The following CES1 variants were observed in gnomAD, a reference collection of about 807,000 sequenced individuals.
CES1 encodes liver carboxylesterase 1.
Under a neutral mutation model 53.0 loss-of-function variants are expected in CES1, and 50 were observed. The observed-to-expected ratio is 0.94, with a 90% confidence interval of 0.75 to 1.19. The LOEUF (loss-of-function observed/expected upper bound fraction) is 1.19. CES1 is among the 50% of genes most tolerant of loss of function. The probability of loss-of-function intolerance (pLI) is 0.00; values close to 1 mark genes in which losing one functional copy is unlikely to be tolerated. For synonymous variants in CES1, 202 were observed against 210.1 expected (o/e 0.96, Z 0.33); for missense variants, 534 against 538.0 (o/e 0.99, Z 0.07).
rs181887407 is a variant in CES1, at chr16:55,810,050, G to A, written c.1318+467C>T. On this transcript the variant is annotated intron_variant, in intron 11 of 13. Coordinates refer to ENST00000360526, the MANE Select transcript of CES1 (RefSeq NM_001025195.2). ...ACTCTGCCCTTGTGTGCAGCAGGTC[G>A]AAGTCACAGGGAATAAACAATTCCT... 2.2e-4 allele frequency among the ~76,000 whole-genome samples: 34 copies of A among 152,282 alleles called. No homozygotes were observed. In the East Asian group the frequency reaches 6.2e-3, roughly 28 times the overall value.
chr16:55,829,654 G>C (rs543768085), intron 1 of CES1, among the ~76,000 whole-genome samples: 1 of 152,364 alleles, frequency 6.6e-6, no homozygotes, highest in African/African-American at 2.4e-5. Flanking sequence ...TGGAGTCTGG[G>C]GGGAGTGGAA....
At chr16:55,825,406 C>G (rs2032378599) in intron 3 of CES1, among the ~76,000 whole-genome samples, 1 of 152,232 alleles carries the variant, frequency 6.6e-6, no homozygotes, top group African/African-American at 2.4e-5. Flanking sequence ...CACCCTCCAA[C>G]CTGCAGCTGG....
chr16:55,815,664 ACTC>A (rs1248877246), intron 8 of CES1, among the ~76,000 whole-genome samples: 1 of 151,178 alleles, frequency 6.6e-6, no homozygotes, highest in East Asian at 1.9e-4. Flanking sequence ...GACTCCAACT[ACTC>A]CTCCCATCCC....
chr16:55,816,923 C>A lies in CES1; in HGVS notation c.945+1G>T. The A allele has an allele frequency of 6.2e-7, 1 of 1,614,046 alleles. No homozygotes were observed. The highest frequency in any genetic ancestry group is 8.5e-7 in the Non-Finnish European group (1 of 1,179,920). On this transcript the variant is annotated splice_donor_variant, in intron 8 of 13. Transcript: ENST00000360526. LOFTEE classifies it high-confidence loss of function. ...GTAATCCAGAAACAAAAGGTCCTTA[C>A]CTCTCTGGGGTCTCCCTGTAAGTCC...
chr16:55,808,814 A>G (rs1267055894), intron 11 of CES1, among the ~76,000 whole-genome samples: 1 of 152,150 alleles, frequency 6.6e-6, no homozygotes, highest in Non-Finnish European at 1.5e-5. Context: ...AACATTGAGA[A>G]AATCCTCACA....
chr16:55,826,070 C>T (rs1344805475), intron 3 of CES1, 81 bp downstream of exon 3: 18 of 1,577,524 alleles, frequency 1.1e-5, no homozygotes, highest in Non-Finnish European at 1.6e-5. Context: ...CCCCAAGCTG[C>T]CTTCACTCCC....
chr16:55,826,089 T>A (rs1352507079), intron 3 of CES1, 62 bp downstream of exon 3: 6 of 1,608,534 alleles, frequency 3.7e-6, no homozygotes, highest in African/African-American at 1.3e-5. Context: ...CCTTCCATTC[T>A]GCCCCAGAAG....
intron 11 of CES1, 125 bp downstream of exon 11, chr16:55,810,392 T>C (rs1234064576): frequency 6.3e-6 from 8 of 1,264,356 alleles, no homozygotes; most frequent in South Asian, 1.2e-5. Context: ...TCCCATGCCA[T>C]ATGGAATCAG....
At chr16:55,812,317 G>C (rs1441392352) in intron 9 of CES1, 1 of 166,406 alleles carries the variant, frequency 6.0e-6, no homozygotes, top group Non-Finnish European at 1.3e-5. Flanking sequence ...GGAGTTTGCT[G>C]TATAGATTAT....
chr16:55,828,691 C>T (rs1311011293), intron 2 of CES1, 76 bp downstream of exon 2: 31 of 1,521,718 alleles, frequency 2.0e-5, no homozygotes, highest in Non-Finnish European at 2.6e-5. Context: ...AAGGATCAGC[C>T]CGTCAGGGGA....
At position 55,813,034 on chromosome 16, in the gene CES1, G is replaced by C. The variant is rs748333060; in HGVS notation, c.955C>G (p.Leu319Val). 6.2e-7 allele frequency: 1 copy of C among 1,613,116 alleles called. No individual in the cohort carries two copies. Among genetic ancestry groups the C allele is most frequent in the African/African-American group, 1.3e-5 (1 of 74,998 alleles). The change falls in exon 9 of 14, where the codon CTT becomes GTT. Residue 319 changes from leucine (L) to valine (V), a missense_variant. This residue lies in a region of CES1 where 269 missense variants were observed against 206.6 expected (regional missense o/e 1.30). Transcript: ENST00000360526. ...ATCCCATCAATCACAGTGCCCAGAA[G>C]GGGTTGACTCTGGGGAGAGAGCAGT... Reference protein sequence around the residue: ...LQGDPRESQPLLGTVIDGMLL... With the variant: ...LQGDPRESQPVLGTVIDGMLL...
chr16:55,825,976 G>C (rs1470385914), intron 3 of CES1, among the ~76,000 whole-genome samples, 175 bp downstream of exon 3: 1 of 152,198 alleles, frequency 6.6e-6, no homozygotes, highest in Non-Finnish European at 1.5e-5. Context: ...CCTATGTCAC[G>C]AGGGTAAACT....
At chr16:55,811,433 T>G (rs1278628733) in intron 9 of CES1, among the ~76,000 whole-genome samples, 1 of 152,044 alleles carries the variant, frequency 6.6e-6, no homozygotes, top group East Asian at 1.9e-4. Flanking sequence ...GACACTGAAA[T>G]CCTTAAATCC....
Position 55,828,970 on chromosome 16 carries a change from C to T in CES1, c.57G>A (p.Gly19=), listed in dbSNP as rs1419552200. ...ATLSASAAWA[G]HPSSPPVVDT... is the part of the protein sequence containing the mutation. ...CCACCACAGGTGGCGAGGACGGATG[C>T]CCTGCTGGACATGGAGAATAAATCA... is the stretch of plus-strand genomic sequence containing the variant. Residue 19 remains glycine (G), a synonymous_variant, in exon 2 of 14, where the codon GGG becomes GGA. Transcript: ENST00000360526. 1.2e-6 allele frequency: 2 copies of T among 1,606,068 alleles called. No individual in the cohort carries two copies. The highest frequency in any genetic ancestry group is 1.1e-5 in the South Asian group (1 of 89,572).
chr16:55,829,129 A>G (rs577769604), intron 1 of CES1, among the ~76,000 whole-genome samples, 155 bp from the exon 2 acceptor site: 1 of 152,190 alleles, frequency 6.6e-6, no homozygotes, highest in Admixed American at 6.5e-5. Flanking sequence ...GATGACGATC[A>G]ATGTCCTCCC....
chr16:55,828,908 C>A lies in CES1; in HGVS notation c.119G>T (p.Ser40Ile), dbSNP rs140555786. The A allele has an allele frequency of 1.7e-5, 27 of 1,614,038 alleles. No homozygotes were observed. In the Middle Eastern group the frequency reaches 9.9e-4, roughly 59 times the overall value. Residue 40 changes from serine (S) to isoleucine (I), a missense_variant, in exon 2 of 14, where the codon AGC becomes ATC. Physicochemically the swap from Ser to Ile is moderately radical, Grantham distance 142. Coordinates refer to ENST00000360526, the MANE Select transcript of CES1 (RefSeq NM_001025195.2). ...CACAGGCTGTGCAAATCCTTCTAAG[C>A]TGACGAACTTCCCCAGCACTTTGCC... ...VHGKVLGKFVSLEGFAQPVAI... is the reference protein window; with the variant it reads ...VHGKVLGKFVILEGFAQPVAI...
At chr16:55,818,434 C>T (rs1476505291) in intron 7 of CES1, among the ~76,000 whole-genome samples, 1 of 152,196 alleles carries the variant, frequency 6.6e-6, no homozygotes, top group Non-Finnish European at 1.5e-5. Context: ...ATTTATCTGT[C>T]TTTGTTACCT....
rs1597078262 is a variant in CES1, at chr16:55,819,565, T to TTCC, written c.873_875dup (p.Glu294dup). The stretch of plus-strand genomic sequence containing the variant: ...TCAATGTCGTCTCCAAGAGCTCCTC[T>TTCC]TCCGTCTTCTGTCGCAGGCAGTGAA... On this transcript the variant is annotated inframe_insertion, in exon 7 of 14. Coordinates refer to ENST00000360526, the MANE Select transcript of CES1 (RefSeq NM_001025195.2). The TTCC allele has an allele frequency of 6.2e-7, 1 of 1,614,120 alleles. No individual in the cohort carries two copies.
Position 55,828,365 on chromosome 16 carries a change from T to A in CES1, c.260+402A>T, listed in dbSNP as rs4784574. On this transcript the variant is annotated intron_variant, in intron 2 of 13. Coordinates refer to ENST00000360526, the MANE Select transcript of CES1 (RefSeq NM_001025195.2). ...TATGTCAAAATTCAAGACAGCAGAA[T>A]TCATGGGATCCTTCCTTCTGATCTC... is the stretch of plus-strand genomic sequence containing the variant. 7.4e-3 allele frequency among the ~76,000 whole-genome samples: 1,120 copies of A among 152,278 alleles called. 15 individuals are homozygous for A. The highest frequency in any genetic ancestry group is 0.066 in the East Asian group (339 of 5,160).
Sources: gnomAD v4.1 joint callset for allele counts (sites outside exome capture counted in the v4.1 genomes callset) on GRCh38, gnomAD v4.1.1 for gene constraint, gnomAD v4.1.1 regional missense constraint, MANE v1.5 for transcripts, NCBI Gene and HGNC (gene_info 2026-07-23, HGNC 2026-07-21) for gene names.